The following THSD7B variants were observed in gnomAD, a reference collection of about 807,000 sequenced individuals.
The protein encoded by THSD7B is thrombospondin type 1 domain containing 7B, also known as thrombospondin type-1 domain-containing protein 7B.
In THSD7B, 138 loss-of-function variants were observed where a neutral mutation model predicts 213.6. That is an observed-to-expected ratio of 0.65 (90% CI 0.56 to 0.74). THSD7B has a LOEUF of 0.74. THSD7B is among the 30% of genes least tolerant of loss of function. The pLI is 0.00. For missense variants in THSD7B, 1,931 were observed against 1,991.5 expected, an observed-to-expected ratio of 0.97 and a Z score of 0.58; for synonymous variants, 742 against 687.0, an observed-to-expected ratio of 1.08 and a Z score of -1.25.
At chr2:137,122,241 C>T (rs1317139634) in intron 5 of THSD7B, among the ~76,000 whole-genome samples, 3 of 152,082 alleles carry the variant, frequency 2.0e-5, no homozygotes, top group African/African-American at 7.3e-5. Flanking sequence ...TACTTTTGAC[C>T]TCTTTAATGG....
intron 15 of THSD7B, among the ~76,000 whole-genome samples, chr2:137,453,206 T>C (rs1325650252): frequency 1.3e-5 from 2 of 152,012 alleles, no homozygotes; most frequent in Non-Finnish European, 2.9e-5. Context: ...AAGTTGACAA[T>C]ATGCGGGGTA....
intron 12 of THSD7B, among the ~76,000 whole-genome samples, chr2:137,357,784 C>A (rs1202612948): frequency 6.6e-6 from 1 of 152,138 alleles, no homozygotes. Flanking sequence ...TAGGAGGAGG[C>A]AGTAGTGATG....
chr2:136,924,303 A>C (rs1376716649), intron 2 of THSD7B, among the ~76,000 whole-genome samples: 2 of 150,818 alleles, frequency 1.3e-5, no homozygotes, highest in African/African-American at 2.4e-5. Flanking sequence ...CTGGTCTTGA[A>C]CTCCTGACCT....
intron 12 of THSD7B, among the ~76,000 whole-genome samples, chr2:137,325,960 C>T (rs1268571039): frequency 6.6e-6 from 1 of 152,202 alleles, no homozygotes; most frequent in Non-Finnish European, 1.5e-5. Flanking sequence ...CCAGTGTCTT[C>T]TCTTAAATGT....
At chr2:137,512,439 T>A (rs144423545) in intron 15 of THSD7B, among the ~76,000 whole-genome samples, 1 of 134,400 alleles carries the variant, frequency 7.4e-6, no homozygotes, top group African/African-American at 2.8e-5. Flanking sequence ...TTGCCCAGCC[T>A]GGAGAGCAAT....
At chr2:137,429,059 T>G (rs1239841889) in intron 14 of THSD7B, among the ~76,000 whole-genome samples, 1 of 152,210 alleles carries the variant, frequency 6.6e-6, no homozygotes, top group Non-Finnish European at 1.5e-5. Context: ...GAAATAAATT[T>G]CTGTTGTTTA....
At chr2:137,073,548 T>A (rs551809017) in intron 3 of THSD7B, among the ~76,000 whole-genome samples, 20 of 152,318 alleles carry the variant, frequency 1.3e-4, no homozygotes, top group African/African-American at 4.8e-4. Flanking sequence ...CCTGGATTCA[T>A]TGATTTTTGG....
rs116616631 is a variant in THSD7B at position 136,954,940 on chromosome 2, T to C, written c.139+72623T>C. On this transcript the variant is annotated intron_variant, in intron 2 of 27. Coordinates refer to ENST00000409968, the MANE Select transcript of THSD7B (RefSeq NM_001316349.2). ...TTGCTTAAATGGTTGCATGTAGTAA[T>C]TCTTTGTGTATTTCAACAGGCTCTG... Among the ~76,000 whole-genome samples the C allele has an allele frequency of 6.6e-3, 1,011 of 152,246 alleles. 10 individuals carry two copies. Among genetic ancestry groups the C allele is most frequent in the African/African-American group, 0.023 (965 of 41,528 alleles).
intron 12 of THSD7B, among the ~76,000 whole-genome samples, chr2:137,398,732 C>T (rs568395674): frequency 5.3e-5 from 8 of 152,334 alleles, no homozygotes; most frequent in East Asian, 3.9e-4. Flanking sequence ...CCTAATCAAG[C>T]CTGGGCAATG....
At chr2:137,261,689 G>A (rs1460238842) in intron 10 of THSD7B, among the ~76,000 whole-genome samples, 2 of 152,138 alleles carry the variant, frequency 1.3e-5, no homozygotes, top group East Asian at 3.9e-4. Context: ...GATAGAGAGT[G>A]TCTATCTTGT....
At chr2:136,912,331 A>T (rs1391279511) in intron 2 of THSD7B, among the ~76,000 whole-genome samples, 3 of 142,152 alleles carry the variant, frequency 2.1e-5, no homozygotes, top group Non-Finnish European at 3.2e-5. Context: ...CAAAAAAAAA[A>T]AAAAAAAAAA....
chr2:137,647,421 T>TTC (rs60400076), intron 21 of THSD7B, among the ~76,000 whole-genome samples: 6,591 of 84,218 alleles, frequency 0.078, 260 homozygotes, highest in Non-Finnish European at 0.12. Context: ...CTCTGTCTCT[T>TTC]TCTCTCTCTC....
rs1681565815 is a variant in THSD7B, at chr2:137,581,155, T to C, written c.3423+8599T>C. 3.3e-5 allele frequency among the ~76,000 whole-genome samples: 5 copies of C among 152,356 alleles called. 1 individual carries two copies. The South Asian group carries it at 1.0e-3, about 32-fold the overall frequency. On this transcript the variant is annotated intron_variant, in intron 17 of 27. Coordinates refer to ENST00000409968, the MANE Select transcript of THSD7B (RefSeq NM_001316349.2). Reference sequence around the variant, plus strand: ...TATATACAATATATTAAAGTATGTATGTGTTCAAAAATGATTACTCAGTTC... The same window carrying C: ...TATATACAATATATTAAAGTATGTACGTGTTCAAAAATGATTACTCAGTTC...
chr2:136,853,110 C>T (rs1316381545), intron 1 of THSD7B, among the ~76,000 whole-genome samples: 1 of 151,906 alleles, frequency 6.6e-6, no homozygotes, highest in African/African-American at 2.4e-5. Context: ...TACTGTTTCC[C>T]ACCCAGAAAC....
chr2:137,641,440 C>A (rs1482041093), intron 20 of THSD7B, among the ~76,000 whole-genome samples: 1 of 152,172 alleles, frequency 6.6e-6, no homozygotes, highest in African/African-American at 2.4e-5. Context: ...TCCACAGAAC[C>A]CTGTTTTTCT....
chr2:137,014,135 C>T (rs958393125), intron 2 of THSD7B, among the ~76,000 whole-genome samples: 2 of 152,064 alleles, frequency 1.3e-5, no homozygotes, highest in African/African-American at 4.8e-5. Context: ...TTTCTGCCAT[C>T]AATACAGCCT....
intron 3 of THSD7B, among the ~76,000 whole-genome samples, chr2:137,067,797 A>G (rs2104888035): frequency 6.6e-6 from 1 of 152,142 alleles, no homozygotes; most frequent in African/African-American, 2.4e-5. Context: ...GAAAAACAGA[A>G]TTCTCTTGGT....
intron 1 of THSD7B, among the ~76,000 whole-genome samples, chr2:136,876,996 A>C (rs879771524): frequency 6.6e-6 from 1 of 152,062 alleles, no homozygotes; most frequent in Non-Finnish European, 1.5e-5. Context: ...GAGGCAGAGG[A>C]AGGGAGCGTG....
intron 7 of THSD7B, among the ~76,000 whole-genome samples, chr2:137,204,533 A>G (rs965319259): frequency 8.5e-5 from 13 of 152,156 alleles, no homozygotes; most frequent in African/African-American, 3.1e-4. Flanking sequence ...GAGAAATTCT[A>G]GTTCACATTC....
Sources: gnomAD v4.1 joint callset for allele counts (sites outside exome capture counted in the v4.1 genomes callset) on GRCh38, gnomAD v4.1.1 for gene constraint, MANE v1.5 for transcripts, NCBI Gene and HGNC (gene_info 2026-07-23, HGNC 2026-07-21) for gene names.